Variants in HPSE2 observed in about 807,000 individuals in gnomAD.
HPSE2 encodes the protein heparanase 2 (inactive), also known as inactive heparanase-2.
A neutral mutation model predicts 60.5 loss-of-function variants in HPSE2; 38 were observed. That is an observed-to-expected ratio of 0.63 (90% CI 0.48 to 0.82). The LOEUF (loss-of-function observed/expected upper bound fraction) is 0.82, where lower values mean the gene tolerates loss of function less well. Among genes scored for constraint, HPSE2 ranks in the 40% least tolerant of loss-of-function variants. The probability of loss-of-function intolerance (pLI) is 0.00; values close to 1 mark genes in which losing one functional copy is unlikely to be tolerated. For synonymous variants in HPSE2, 295 were observed against 293.2 expected (o/e 1.01, Z -0.06); for missense variants, 713 against 740.4 (o/e 0.96, Z 0.43).
chr10:98,556,823 G>T (rs762982018), intron 9 of HPSE2, among the ~76,000 whole-genome samples: 1 of 151,766 alleles, frequency 6.6e-6, no homozygotes, highest in African/African-American at 2.4e-5. Context: ...AAATTTATAC[G>T]GCAATGCCAA....
chr10:99,215,177 T>C (rs11190022), intron 2 of HPSE2, among the ~76,000 whole-genome samples: 8,535 of 152,180 alleles, frequency 0.056, 337 homozygotes, highest in Non-Finnish European at 0.085. Flanking sequence ...CTATTTACAA[T>C]AGAAAAGACA....
At chr10:98,692,767 TCAAA>T (rs532090386) in intron 6 of HPSE2, among the ~76,000 whole-genome samples, 3 of 121,646 alleles carry the variant, frequency 2.5e-5, no homozygotes, top group Non-Finnish European at 3.7e-5. Context: ...AGACTCTGTC[TCAAA>T]CAAACAAACA....
chr10:98,462,069 C>T (rs187324211), intron 11 of HPSE2, among the ~76,000 whole-genome samples: 2 of 152,072 alleles, frequency 1.3e-5, no homozygotes, highest in Admixed American at 6.5e-5. Context: ...TCTGTAAGAA[C>T]GTTATATAGG....
At chr10:98,590,421 TGG>T (rs1388883516) in intron 9 of HPSE2, among the ~76,000 whole-genome samples, 1 of 152,172 alleles carries the variant, frequency 6.6e-6, no homozygotes, top group African/African-American at 2.4e-5. Flanking sequence ...CCAGCCTGGG[TGG>T]GAATCTCTGG....
At chr10:99,060,135 T>C (rs192994852) in intron 3 of HPSE2, among the ~76,000 whole-genome samples, 21 of 151,680 alleles carry the variant, frequency 1.4e-4, no homozygotes, top group Admixed American at 3.9e-4. Context: ...TATAGTAAAA[T>C]ATGGGAAATA....
rs117320961 is a variant in HPSE2 at position 99,060,384 on chromosome 10, C to T, written c.610+83854G>A. ...TCATAAAAAACAAAAATAGGCTGGG[C>T]GCAGTGGCTCATGCCTGCAATCCCA... On this transcript the variant is annotated intron_variant, in intron 3 of 11. Transcript: ENST00000370552. Among the ~76,000 whole-genome samples the T allele has an allele frequency of 1.4e-3, 206 of 152,102 alleles. 3 individuals carry two copies. The East Asian group carries it at 0.033, about 24-fold the overall frequency.
At chr10:99,248,265 A>C in the HPSE2 span, among the ~76,000 whole-genome samples, 1 of 152,226 alleles carries the variant, frequency 6.6e-6, no homozygotes, top group African/African-American at 2.4e-5. Flanking sequence ...TGATATGGAC[A>C]ATGAAGTCCA....
intron 3 of HPSE2, among the ~76,000 whole-genome samples, chr10:99,050,259 A>G (rs1381573264): frequency 6.6e-6 from 1 of 151,936 alleles, no homozygotes; most frequent in African/African-American, 2.4e-5. Flanking sequence ...GTATGACTGC[A>G]CCACTGGACT....
Position 98,480,963 on chromosome 10 carries a change from C to T in HPSE2, c.1613+1673G>A, listed in dbSNP as rs577357142. On this transcript the variant is annotated intron_variant, in intron 11 of 11. Coordinates refer to ENST00000370552, the MANE Select transcript of HPSE2 (RefSeq NM_021828.5). ...GGTTTCACAGACGAGGAAACTGACGCTCACAGAGATGACATAACTTGCCTA... is the reference window on the plus strand; with the variant it reads ...GGTTTCACAGACGAGGAAACTGACGTTCACAGAGATGACATAACTTGCCTA... Among the ~76,000 whole-genome samples the T allele has an allele frequency of 9.8e-5, 15 of 152,312 alleles. No individual in the cohort carries two copies. The South Asian group carries it at 2.5e-3, about 25-fold the overall frequency.
chr10:98,686,789 T>A (rs990354782), intron 6 of HPSE2, among the ~76,000 whole-genome samples: 2 of 152,204 alleles, frequency 1.3e-5, no homozygotes, highest in Non-Finnish European at 2.9e-5. Flanking sequence ...TCCCAAACCA[T>A]ACTCTGCATT....
chr10:99,215,140 A>C (rs1387396869), intron 2 of HPSE2, among the ~76,000 whole-genome samples: 1 of 152,184 alleles, frequency 6.6e-6, no homozygotes, highest in Admixed American at 6.5e-5. Context: ...CTATAAAAAC[A>C]CATGCACCCA....
chr10:99,199,225 T>C (rs1419522364), intron 2 of HPSE2, among the ~76,000 whole-genome samples: 1 of 152,142 alleles, frequency 6.6e-6, no homozygotes, highest in Non-Finnish European at 1.5e-5. Context: ...TAAAGTATCT[T>C]AATTTTTTAA....
chr10:98,462,840 T>C (rs953262996), intron 11 of HPSE2, among the ~76,000 whole-genome samples: 2 of 152,166 alleles, frequency 1.3e-5, no homozygotes, highest in Non-Finnish European at 2.9e-5. Context: ...AGCTTGTATC[T>C]CTACCCTACC....
intron 9 of HPSE2, among the ~76,000 whole-genome samples, chr10:98,600,754 A>C (rs1248309631): frequency 5.5e-5 from 6 of 109,566 alleles, no homozygotes; most frequent in South Asian, 3.3e-4. Flanking sequence ...TACACACAAA[A>C]AAAATATACA....
chr10:98,890,468 C>T (rs371127913), intron 3 of HPSE2, among the ~76,000 whole-genome samples: 37 of 152,058 alleles, frequency 2.4e-4, no homozygotes, highest in African/African-American at 8.9e-4. Flanking sequence ...ATTGCCTGTA[C>T]ATTATGATTT....
chr10:98,925,924 T>C (rs1032998352), intron 3 of HPSE2, among the ~76,000 whole-genome samples: 4 of 152,132 alleles, frequency 2.6e-5, no homozygotes, highest in African/African-American at 4.8e-5. Flanking sequence ...CTCACCATCA[T>C]GTTGTTCCTT....
intron 2 of HPSE2, among the ~76,000 whole-genome samples, chr10:99,179,714 C>G (rs775600349): frequency 6.6e-6 from 1 of 151,306 alleles, no homozygotes; most frequent in Non-Finnish European, 1.5e-5. Flanking sequence ...TTGCTATCCC[C>G]ATCAAGCTAC....
At chr10:99,181,879 T>A (rs1022589557) in intron 2 of HPSE2, among the ~76,000 whole-genome samples, 8 of 147,512 alleles carry the variant, frequency 5.4e-5, no homozygotes, top group South Asian at 2.2e-4. Context: ...AAGTATAATT[T>A]AAAAAAAAAA....
At chr10:98,997,176 G>C (rs185960152) in intron 3 of HPSE2, among the ~76,000 whole-genome samples, 1 of 146,550 alleles carries the variant, frequency 6.8e-6, no homozygotes, top group Non-Finnish European at 1.5e-5. Context: ...GCAGTGGAGC[G>C]ATCTCAGCTC....
Sources: gnomAD v4.1 joint callset for allele counts (sites outside exome capture counted in the v4.1 genomes callset) on GRCh38, gnomAD v4.1.1 for gene constraint, MANE v1.5 for transcripts, NCBI Gene and HGNC (gene_info 2026-07-23, HGNC 2026-07-21) for gene names.